SNTG1: variants seen among roughly 807,000 people sequenced by gnomAD.
SNTG1 encodes the protein gamma-1-syntrophin.
Under a neutral mutation model 74.7 loss-of-function variants are expected in SNTG1, and 39 were observed. That is an observed-to-expected ratio of 0.52 (90% CI 0.40 to 0.68). The LOEUF is 0.68. SNTG1 is among the 30% of genes least tolerant of loss of function. SNTG1 has a pLI of 0.00. For synonymous variants in SNTG1, 254 were observed against 217.1 expected, an observed-to-expected ratio of 1.17 and a Z score of -1.49; for missense variants, 685 against 609.5, an observed-to-expected ratio of 1.12 and a Z score of -1.30.
Position 49,978,044 on chromosome 8 carries a change from A to T in SNTG1, c.-103+65813A>T, listed in dbSNP as rs187042097. On this transcript the variant is annotated intron_variant, in intron 1 of 18. Transcript: ENST00000642720. Reference sequence around the variant, plus strand: ...TGTGAATACCTGCAAAATATTTCCCACGGGGCCTGTTGCCAACCCAGCTCA... The same window carrying T: ...TGTGAATACCTGCAAAATATTTCCCTCGGGGCCTGTTGCCAACCCAGCTCA... Among the ~76,000 whole-genome samples the T allele has an allele frequency of 1.1e-3, 174 of 152,360 alleles. 2 individuals are homozygous for T. Among genetic ancestry groups the T allele is most frequent in the Admixed American group, 0.011 (171 of 15,300 alleles).
intron 2 of SNTG1, among the ~76,000 whole-genome samples, chr8:50,339,974 G>A (rs2091272154): frequency 6.6e-6 from 1 of 151,430 alleles, no homozygotes; most frequent in East Asian, 1.9e-4. Flanking sequence ...AGTAACAAAA[G>A]AAACACAGAA....
chr8:50,696,278 G>A (rs2095404854), intron 15 of SNTG1, among the ~76,000 whole-genome samples: 1 of 151,932 alleles, frequency 6.6e-6, no homozygotes, highest in Non-Finnish European at 1.5e-5. Flanking sequence ...TTGACAAAAT[G>A]TCTGTTCATG....
At chr8:50,146,721 TTTTG>T (rs1012834054) in intron 1 of SNTG1, among the ~76,000 whole-genome samples, 1 of 152,030 alleles carries the variant, frequency 6.6e-6, no homozygotes, top group African/African-American at 2.4e-5. Context: ...ATTGTAAGAG[TTTTG>T]TTTAATTTTA....
At chr8:50,079,990 C>T (rs955106942) in intron 1 of SNTG1, among the ~76,000 whole-genome samples, 9 of 152,140 alleles carry the variant, frequency 5.9e-5, no homozygotes, top group Admixed American at 3.9e-4. Context: ...GTGATACCTC[C>T]AACTTTGTTC....
chr8:50,316,906 A>G (rs554555312), intron 2 of SNTG1, among the ~76,000 whole-genome samples: 23 of 152,324 alleles, frequency 1.5e-4, no homozygotes, highest in African/African-American at 5.1e-4. Context: ...AAAAATTTAT[A>G]GAGATAGTAC....
chr8:50,727,613 A>G (rs952944889), intron 17 of SNTG1, among the ~76,000 whole-genome samples: 10 of 152,178 alleles, frequency 6.6e-5, no homozygotes, highest in East Asian at 1.9e-4. Flanking sequence ...TAGTGAGATG[A>G]TAAATAGCCC....
intron 1 of SNTG1, among the ~76,000 whole-genome samples, chr8:50,081,856 C>G (rs1822445312): frequency 6.6e-6 from 1 of 152,164 alleles, no homozygotes; most frequent in Admixed American, 6.5e-5. Flanking sequence ...TGGTCTCAAT[C>G]TCTTGACCTC....
At position 50,695,975 on chromosome 8, in the gene SNTG1, A is replaced by G. The variant is rs117912370; in HGVS notation, c.1039-8625A>G. Among the ~76,000 whole-genome samples, 48 of 152,096 alleles carry G rather than the reference A, an allele frequency of 3.2e-4. 1 individual carries two copies. In the East Asian group the frequency reaches 9.1e-3, roughly 29 times the overall value. ...TAAAATGATTTCTTTTCCTTTGGATATATACCCAGTAGTGGAATTGCTAGA... is the reference window on the plus strand; with the variant it reads ...TAAAATGATTTCTTTTCCTTTGGATGTATACCCAGTAGTGGAATTGCTAGA... On this transcript the variant is annotated intron_variant, in intron 15 of 18. Transcript: ENST00000642720.
At chr8:50,359,447 C>T (rs867669366) in intron 2 of SNTG1, among the ~76,000 whole-genome samples, 4 of 152,266 alleles carry the variant, frequency 2.6e-5, no homozygotes, top group Middle Eastern at 6.8e-3. Context: ...AATTTGCTGG[C>T]CTTGCACTAT....
chr8:49,935,425 C>T (rs935316224), intron 1 of SNTG1, among the ~76,000 whole-genome samples: 1 of 143,824 alleles, frequency 7.0e-6, no homozygotes, highest in East Asian at 2.0e-4. Flanking sequence ...AAGCACAGGC[C>T]TTCAATGACT....
intron 2 of SNTG1, among the ~76,000 whole-genome samples, chr8:50,194,711 T>C (rs1436526210): frequency 6.6e-6 from 1 of 152,080 alleles, no homozygotes; most frequent in Non-Finnish European, 1.5e-5. Context: ...CTGCTGGGTT[T>C]GGGTTTGGAT....
chr8:50,762,566 C>A, intron 18 of SNTG1: 1 of 371,264 alleles, frequency 2.7e-6, no homozygotes, highest in South Asian at 2.4e-5. Flanking sequence ...CATTTTTGTT[C>A]CAAGGATGTG....
At chr8:50,761,757 T>C (rs189255074) in intron 18 of SNTG1, among the ~76,000 whole-genome samples, 80 of 152,116 alleles carry the variant, frequency 5.3e-4, no homozygotes, top group Non-Finnish European at 1.0e-3. Context: ...TCTACAGTTT[T>C]ATGTTTCTGA....
rs143942780 is a variant in SNTG1, at chr8:50,601,521, G to C, written c.849+10604G>C. Among the ~76,000 whole-genome samples the C allele has an allele frequency of 2.0e-3, 306 of 152,236 alleles. 2 individuals carry two copies. Among genetic ancestry groups the C allele is most frequent in the African/African-American group, 6.8e-3 (281 of 41,542 alleles). ...GATTTTAATTTTTTCAGTATTTTCA[G>C]ACATGTTTTGTTAGCTGACATATGG... On this transcript the variant is annotated intron_variant, in intron 13 of 18. Coordinates refer to ENST00000642720, the MANE Select transcript of SNTG1 (RefSeq NM_018967.5).
rs1282782286 is a variant in SNTG1 at position 50,467,401 on chromosome 8, T to G, written c.363+16672T>G. Among the ~76,000 whole-genome samples the G allele has an allele frequency of 2.0e-5, 3 of 151,926 alleles. No individual in the cohort carries two copies. The East Asian group carries it at 5.8e-4, about 29-fold the overall frequency. ...CTTGCGGAAATTTACCCAGATCATG[T>G]AAGTTATCAAATCTGCGGGCATAGA... On this transcript the variant is annotated intron_variant, in intron 8 of 18. Coordinates refer to ENST00000642720, the MANE Select transcript of SNTG1 (RefSeq NM_018967.5).
intron 13 of SNTG1, among the ~76,000 whole-genome samples, chr8:50,602,322 G>C (rs1404264395): frequency 6.6e-6 from 1 of 151,714 alleles, no homozygotes; most frequent in Non-Finnish European, 1.5e-5. Context: ...AGGATTGATA[G>C]AGTATCTTAA....
intron 2 of SNTG1, among the ~76,000 whole-genome samples, chr8:50,336,834 A>G (rs1025257818): frequency 6.6e-6 from 1 of 152,150 alleles, no homozygotes; most frequent in Non-Finnish European, 1.5e-5. Flanking sequence ...CAGTGAAATA[A>G]CTCCATAAAA....
chr8:50,740,346 G>A (rs1446277063), intron 17 of SNTG1, among the ~76,000 whole-genome samples: 1 of 139,944 alleles, frequency 7.1e-6, no homozygotes, highest in Admixed American at 7.0e-5. Flanking sequence ...AGACATACAT[G>A]TGGCCAAAAA....
At chr8:50,617,693 TC>T (rs1246855284) in intron 13 of SNTG1, among the ~76,000 whole-genome samples, 1 of 152,162 alleles carries the variant, frequency 6.6e-6, no homozygotes, top group Admixed American at 6.5e-5. Context: ...TCTAAGGGGT[TC>T]CCGTGAGAGG....
Sources: allele counts gnomAD v4.1 joint callset (sites outside exome capture counted in the v4.1 genomes callset), GRCh38; gene constraint gnomAD v4.1.1; transcripts MANE v1.5; gene names NCBI Gene and HGNC (gene_info 2026-07-23, HGNC 2026-07-21).